The following CELSR1 variants were observed in gnomAD, a reference collection of about 807,000 sequenced individuals.
The protein encoded by CELSR1 is cadherin EGF LAG seven-pass G-type receptor 1.
A neutral mutation model predicts 249.1 loss-of-function variants in CELSR1; 110 were observed. That is an observed-to-expected ratio of 0.44 (90% CI 0.38 to 0.52). The LOEUF (loss-of-function observed/expected upper bound fraction) is 0.52. Ranked by LOEUF, CELSR1 falls within the 20% of genes least tolerant of loss-of-function variation. The pLI is 0.00. For synonymous variants in CELSR1, 2,113 were observed against 1,900.0 expected (o/e 1.11, Z -2.92); for missense variants, 4,109 against 4,296.4 (o/e 0.96, Z 1.22).
Position 46,396,688 on chromosome 22 carries a change from C to A in CELSR1, c.5760G>T (p.Gly1920=). ...ACHLNPCENM[G]ACVRSPGSPQ... is the part of the protein sequence containing the mutation. ...GGGAGCCGGGGGAGCGCACGCAGGCCCCCATGTTCTCGCAGGGGTTCAGGT... is the reference window on the plus strand; with the variant it reads ...GGGAGCCGGGGGAGCGCACGCAGGCACCCATGTTCTCGCAGGGGTTCAGGT... The change falls in exon 13 of 35, where the codon GGG becomes GGT. Residue 1920 remains glycine, a synonymous_variant. Transcript: ENST00000674500. This position sits in a 1 kb window ranked among gnomAD's most constrained non-coding sequence, Gnocchi z 6.4. 1 of 1,613,110 alleles carries A rather than the reference C, an allele frequency of 6.2e-7. No individual in the cohort carries two copies. The highest frequency in any genetic ancestry group is 1.1e-5 in the South Asian group (1 of 90,876).
intron 9 of CELSR1, among the ~76,000 whole-genome samples, chr22:46,403,487 G>A (rs777787651): frequency 1.3e-5 from 2 of 152,004 alleles, no homozygotes; most frequent in Admixed American, 1.3e-4. Flanking sequence ...AACCCAGGAG[G>A]TGGAGCTTGC....
chr22:46,389,062 A>AGCAAGGCTGTGACCT (rs2147245685), intron 18 of CELSR1, among the ~76,000 whole-genome samples: 1 of 152,380 alleles, frequency 6.6e-6, no homozygotes, highest in Admixed American at 6.5e-5. Context: ...CAGGATCACC[A>AGCAAGGCTGTGACCT]GCAAGGCTGT....
chr22:46,396,320 A>C lies in CELSR1; in HGVS notation c.5843+285T>G, dbSNP rs1038492877. 2.0e-5 allele frequency among the ~76,000 whole-genome samples: 3 copies of C among 152,158 alleles called. No homozygotes were observed. The highest frequency in any genetic ancestry group is 7.2e-5 in the African/African-American group (3 of 41,444). On this transcript the variant is annotated intron_variant, in intron 13 of 34. Coordinates refer to ENST00000674500, the MANE Select transcript of CELSR1 (RefSeq NM_001378328.1). This position sits in a 1 kb window ranked among gnomAD's most constrained non-coding sequence, Gnocchi z 6.4. ...CTACTCGGGAGGCCGAGGCAGGAGA[A>C]TCACTTGAGCCCAGGAGGCAGAGGT...
At chr22:46,420,136 ACT>A (rs1215518473) in intron 5 of CELSR1, among the ~76,000 whole-genome samples, 4 of 147,542 alleles carry the variant, frequency 2.7e-5, no homozygotes, top group Non-Finnish European at 4.5e-5. Context: ...TCACATATAC[ACT>A]CACCCACTCA....
Position 46,436,120 on chromosome 22 carries a change from C to G in CELSR1, c.4522+54G>C. ...GCACAGGGCGAGGGTCGTTTTAACC[C>G]ACAAAGTATCTGTGAATTGCTCAGA... is the stretch of plus-strand genomic sequence containing the variant. On this transcript the variant is annotated intron_variant, in intron 4 of 34. Transcript: ENST00000674500. This position sits in a 1 kb window ranked among gnomAD's most constrained non-coding sequence, Gnocchi z 5.9. 1 of 1,480,274 alleles carries G rather than the reference C, an allele frequency of 6.8e-7. No homozygotes were observed. The highest frequency in any genetic ancestry group is 9.4e-7 in the Non-Finnish European group (1 of 1,061,832). 91.7% of individuals were successfully genotyped at this position (1,480,274 alleles called of 1,614,324 possible).
At position 46,535,805 on chromosome 22, in the gene CELSR1, A is replaced by G; in HGVS notation, c.1366T>C (p.Tyr456His). 1 of 1,610,622 alleles carries G rather than the reference A, an allele frequency of 6.2e-7. No homozygotes were observed. The highest frequency in any genetic ancestry group is 1.1e-5 in the South Asian group (1 of 90,990). Residue 456 changes from tyrosine (Y) to histidine (H), a missense_variant, in exon 1 of 35, where the codon TAC becomes CAC. This residue lies in a region of CELSR1 where 135 missense variants were observed against 190.0 expected (regional missense o/e 0.71). Transcript: ENST00000674500. The stretch of plus-strand genomic sequence containing the variant: ...TAGTTCTGCTCGCTGAACTGGGGGT[A>G]GTTGTCGTTCTCGTCCTCCACCTCG... ...YIEVEDENDNYPQFSEQNYVV... is the reference protein window; with the variant it reads ...YIEVEDENDNHPQFSEQNYVV...
chr22:46,451,471 T>G (rs1423925366), intron 2 of CELSR1, among the ~76,000 whole-genome samples: 1 of 152,232 alleles, frequency 6.6e-6, no homozygotes, highest in African/African-American at 2.4e-5. Context: ...TGCTGTTTCT[T>G]ACGGGAGTCA....
At position 46,374,135 on chromosome 22, in the gene CELSR1, C is replaced by T. The variant is rs2078891814; in HGVS notation, c.7585-1078G>A. ...CCAGAGACAGGCCCTTTGCCTCAGA[C>T]TGTGGCCTCGGTCAGGAAAGGAGGC... is the stretch of plus-strand genomic sequence containing the variant. On this transcript the variant is annotated intron_variant, in intron 24 of 34. Coordinates refer to ENST00000674500, the MANE Select transcript of CELSR1 (RefSeq NM_001378328.1). This position sits in a 1 kb window ranked among gnomAD's most constrained non-coding sequence, Gnocchi z 4.3. 6.6e-6 allele frequency among the ~76,000 whole-genome samples: 1 copy of T among 152,228 alleles called. No individual in the cohort carries two copies. Among genetic ancestry groups the T allele is most frequent in the South Asian group, 2.1e-4 (1 of 4,836 alleles).
chr22:46,436,137 T>C lies in CELSR1; in HGVS notation c.4522+37A>G. On this transcript the variant is annotated intron_variant, in intron 4 of 34. Transcript: ENST00000674500. This position sits in a 1 kb window ranked among gnomAD's most constrained non-coding sequence, Gnocchi z 5.9. The stretch of plus-strand genomic sequence containing the variant: ...TTTTAACCCACAAAGTATCTGTGAA[T>C]TGCTCAGAGCTGCCCTTCCTGGGGA... The C allele has an allele frequency of 1.3e-6, 2 of 1,543,810 alleles. No homozygotes were observed. Among genetic ancestry groups the C allele is most frequent in the Non-Finnish European group, 1.8e-6 (2 of 1,117,366 alleles).
At chr22:46,382,746 G>A (rs73462577) in intron 20 of CELSR1, among the ~76,000 whole-genome samples, 29,888 of 152,146 alleles carry the variant, frequency 0.2, 3,789 homozygotes, top group African/African-American at 0.36. Flanking sequence ...GACAGTTGCT[G>A]CGGCGCAGGT....
At chr22:46,466,250 C>T (rs1006440765) in intron 1 of CELSR1, among the ~76,000 whole-genome samples, 12 of 152,202 alleles carry the variant, frequency 7.9e-5, no homozygotes, top group African/African-American at 1.7e-4. Flanking sequence ...CTTCCCTCCC[C>T]GACCCCAGCT....
chr22:46,444,080 C>A (rs2079788423), intron 2 of CELSR1, among the ~76,000 whole-genome samples: 1 of 152,218 alleles, frequency 6.6e-6, no homozygotes, highest in South Asian at 2.1e-4. Context: ...AGAACCCAGG[C>A]TGGGCCCGGG....
At position 46,410,905 on chromosome 22, in the gene CELSR1, C is replaced by G. The variant is rs577762832; in HGVS notation, c.4770-344G>C. Among the ~76,000 whole-genome samples the G allele has an allele frequency of 6.6e-6, 1 of 152,006 alleles. No individual in the cohort carries two copies. Among genetic ancestry groups the G allele is most frequent in the South Asian group, 2.1e-4 (1 of 4,802 alleles). On this transcript the variant is annotated intron_variant, in intron 6 of 34. Coordinates refer to ENST00000674500, the MANE Select transcript of CELSR1 (RefSeq NM_001378328.1). This position sits in a 1 kb window ranked among gnomAD's most constrained non-coding sequence, Gnocchi z 6.8. ...CTATACTTTACCCTTGCCTCTGAGA[C>G]CTTCTAGGAAAAGGAAGGGCCTTGA...
At position 46,367,616 on chromosome 22, in the gene CELSR1, G is replaced by A. The variant is rs532738806; in HGVS notation, c.8079+113C>T. On this transcript the variant is annotated intron_variant, in intron 28 of 34. Coordinates refer to ENST00000674500, the MANE Select transcript of CELSR1 (RefSeq NM_001378328.1). The stretch of plus-strand genomic sequence containing the variant: ...TCACAGCCACAGGAGGCCCCCACGC[G>A]GGACCCAGGCAGGGCTGGTTTGGGA... 4.1e-4 allele frequency: 582 copies of A among 1,436,986 alleles called. 2 individuals carry two copies. In the African/African-American group the frequency reaches 7.5e-3, roughly 18 times the overall value. 89.0% of individuals were successfully genotyped at this position (1,436,986 alleles called of 1,614,324 possible).
In CELSR1 at chr22:46,536,385, G is replaced by A; in HGVS notation, c.786C>T (p.Thr262=). The part of the protein sequence containing the change: ...VALFENEPAG[T]LILQLHAHYT... ...AGTGCGCGTGCAGCTGGAGGATGAG[G>A]GTGCCCGCCGGTTCGTTCTCAAACA... Residue 262 remains threonine (T), a synonymous_variant, in exon 1 of 35, where the codon ACC becomes ACT. Transcript: ENST00000674500. 6.2e-7 allele frequency: 1 copy of A among 1,612,248 alleles called. No individual in the cohort carries two copies. The highest frequency in any genetic ancestry group is 8.5e-7 in the Non-Finnish European group (1 of 1,179,478).
intron 24 of CELSR1, 77 bp from the exon 25 acceptor site, chr22:46,373,134 G>C: frequency 7.0e-7 from 1 of 1,424,100 alleles, no homozygotes; most frequent in Non-Finnish European, 9.4e-7. Context: ...GAGGGGTGGG[G>C]GATGGGAGAG....
chr22:46,483,385 CTTTTTTTTTTTTTT>C (rs10647586), intron 1 of CELSR1, among the ~76,000 whole-genome samples: 1,448 of 81,284 alleles, frequency 0.018, 52 homozygotes, highest in African/African-American at 0.065. Context: ...CTATTCCTGA[CTTTTTTTTTTTTTT>C]TTTTTTTTTT....
intron 2 of CELSR1, among the ~76,000 whole-genome samples, chr22:46,443,172 G>A (rs534193613): frequency 4.1e-4 from 62 of 152,128 alleles, no homozygotes; most frequent in African/African-American, 1.4e-3. Context: ...AAGCCCTCTC[G>A]AGAACGAGGA....
intron 28 of CELSR1, 31 bp downstream of exon 28, chr22:46,367,698 G>A (rs2078801402): frequency 6.4e-7 from 1 of 1,574,786 alleles, no homozygotes; most frequent in African/African-American, 1.3e-5. Flanking sequence ...GGCCAGGCAG[G>A]GGTCCCGCGG....
Sources: gnomAD v4.1 joint callset for allele counts (sites outside exome capture counted in the v4.1 genomes callset) on GRCh38, gnomAD v4.1.1 for gene constraint, gnomAD v4.1.1 regional missense constraint, Gnocchi (gnomAD v3.1) non-coding constraint, MANE v1.5 for transcripts, NCBI Gene and HGNC (gene_info 2026-07-23, HGNC 2026-07-21) for gene names.